KDM2B: variants seen among roughly 807,000 people sequenced by gnomAD.
KDM2B encodes lysine demethylase 2B, also known as lysine-specific demethylase 2B.
A neutral mutation model predicts 150.0 loss-of-function variants in KDM2B; 26 were observed. The ratio of observed to expected loss-of-function variants is 0.17; its 90% confidence interval spans 0.13 to 0.24. The LOEUF (loss-of-function observed/expected upper bound fraction) is 0.24. Among genes scored for constraint, KDM2B ranks in the 10% least tolerant of loss-of-function variants. KDM2B has a pLI of 1.00. For synonymous variants in KDM2B, 734 were observed against 729.5 expected (o/e 1.01, Z -0.10); for missense variants, 1,265 against 1,816.9 (o/e 0.70, Z 5.52).
downstream of KDM2B, among the ~76,000 whole-genome samples, chr12:121,427,515 C>A (rs1555284408): frequency 6.6e-6 from 1 of 152,184 alleles, no homozygotes; most frequent in Non-Finnish European, 1.5e-5. Context: ...GCACTCCAGC[C>A]TGGACAAGAG....
At position 121,430,365 on chromosome 12, in the gene KDM2B, C is replaced by T. The variant is rs1457473403; in HGVS notation, c.3934G>A (p.Glu1312Lys). 6.2e-7 allele frequency: 1 copy of T among 1,614,166 alleles called. No individual in the cohort carries two copies. Among genetic ancestry groups the T allele is most frequent in the South Asian group, 1.1e-5 (1 of 91,082 alleles). The change falls in exon 23 of 23, where the codon GAG (glutamate) becomes AAG (lysine). Residue 1312 changes from glutamate to lysine, a missense_variant. Around this residue, in one of 11 missense-constraint regions of KDM2B, gnomAD observed 251 missense variants for 397.8 expected, o/e 0.63. Transcript: ENST00000377071. This position sits in a 1 kb window ranked among gnomAD's most constrained non-coding sequence, Gnocchi z 4.4. Reference protein sequence around the residue: ...YCKQVTKEGCEQFIAEMSVSV... With the variant: ...YCKQVTKEGCKQFIAEMSVSV... ...ACAGACATCTCGGCTATGAACTGCT[C>T]ACAGCCTTCCTTGGTGACTTGCTTG...
chr12:121,579,989 G>GAAAAAAA, intron 1 of KDM2B: 13 of 1,208,330 alleles, frequency 1.1e-5, no homozygotes, highest in Non-Finnish European at 1.4e-5. Flanking sequence ...TACAGATTTG[G>GAAAAAAA]AAAAAAAAAA....
chr12:121,417,662 T>C, the KDM2B span: 1 of 1,614,212 alleles, frequency 6.2e-7, no homozygotes, highest in South Asian at 1.1e-5. The surrounding 1 kb of genome is among the most constrained non-coding windows in gnomAD (Gnocchi z 5.0). Flanking sequence ...AGTATCTCAT[T>C]CTGAGAAATA....
chr12:121,412,052 ATTAACT>A, the KDM2B span, among the ~76,000 whole-genome samples: 54 of 152,158 alleles, frequency 3.5e-4, no homozygotes, highest in South Asian at 3.1e-3. Context: ...TTAAAAGAAC[ATTAACT>A]TTATTATTAT....
rs1417732251 is a variant in KDM2B, at chr12:121,537,117, TCCTGGCCGCCAAG to T, written c.684-2540_684-2528del. On this transcript the variant is annotated intron_variant, in intron 6 of 22. Coordinates refer to ENST00000377071, the MANE Select transcript of KDM2B (RefSeq NM_032590.5). The surrounding 1 kb of genome is among the most constrained non-coding windows in gnomAD (Gnocchi z 8.7). ...GCCCCTCCTCCCGGTGTCCCTCATTTCCTGGCCGCCAAGCCTGGCCGCCCCTCCCACCCCGCGA... is the reference window on the plus strand; with the variant it reads ...GCCCCTCCTCCCGGTGTCCCTCATTTCCTGGCCGCCCCTCCCACCCCGCGA... Among the ~76,000 whole-genome samples, 2 of 151,996 alleles carry T rather than the reference TCCTGGCCGCCAAG, an allele frequency of 1.3e-5. No individual in the cohort carries two copies. The highest frequency in any genetic ancestry group is 2.9e-5 in the Non-Finnish European group (2 of 67,974).
At chr12:121,471,816 G>GA (rs1228935376) in intron 12 of KDM2B, among the ~76,000 whole-genome samples, 1 of 152,094 alleles carries the variant, frequency 6.6e-6, no homozygotes, top group Non-Finnish European at 1.5e-5. Context: ...TACCCTCCTG[G>GA]ACCAATGGGC....
Position 121,430,584 on chromosome 12 carries a change from C to G in KDM2B, c.3830-115G>C. ...GGTCAGAGCTCTACATATTCCAGTCCCTGCTGTGCTGCACTAAATAAAATG... is the reference window on the plus strand; with the variant it reads ...GGTCAGAGCTCTACATATTCCAGTCGCTGCTGTGCTGCACTAAATAAAATG... On this transcript the variant is annotated intron_variant, in intron 22 of 22. Coordinates refer to ENST00000377071, the MANE Select transcript of KDM2B (RefSeq NM_032590.5). The surrounding 1 kb of genome is among the most constrained non-coding windows in gnomAD (Gnocchi z 4.4). The G allele has an allele frequency of 1.4e-6, 1 of 720,264 alleles. No homozygotes were observed. Among genetic ancestry groups the G allele is most frequent in the Non-Finnish European group, 2.5e-6 (1 of 404,440 alleles). The allele number at this position is 720,264 out of a possible 1,614,324, so 44.6% of individuals were successfully genotyped here. A position where few individuals can be genotyped will look rare whatever the true frequency, so the allele number is the denominator to read the frequency against.
chr12:121,423,554 C>T, the KDM2B span: 2 of 1,613,778 alleles, frequency 1.2e-6, no homozygotes, highest in Non-Finnish European at 1.7e-6. This position sits in a 1 kb window ranked among gnomAD's most constrained non-coding sequence, Gnocchi z 4.3. Context: ...GTGGTGCGAG[C>T]CGTGCACGTG....
chr12:121,518,370 C>G lies in KDM2B; in HGVS notation c.1047+2615G>C, dbSNP rs551434508. 3.3e-5 allele frequency among the ~76,000 whole-genome samples: 5 copies of G among 152,190 alleles called. No homozygotes were observed. Among genetic ancestry groups the G allele is most frequent in the Non-Finnish European group, 5.9e-5 (4 of 68,008 alleles). ...GGCATAAACAATTGGGCCTCGTAGC[C>G]AAGTCCCTCTCTCAAGACCAGAAAT... is the stretch of plus-strand genomic sequence containing the variant. On this transcript the variant is annotated intron_variant, in intron 9 of 22. Coordinates refer to ENST00000377071, the MANE Select transcript of KDM2B (RefSeq NM_032590.5). The surrounding 1 kb of genome is among the most constrained non-coding windows in gnomAD (Gnocchi z 4.4).
chr12:121,552,104 C>G (rs151227103), intron 4 of KDM2B, among the ~76,000 whole-genome samples: 1 of 152,296 alleles, frequency 6.6e-6, no homozygotes, highest in African/African-American at 2.4e-5. Flanking sequence ...CCAATTACAA[C>G]CATTACCATT....
At chr12:121,536,030 C>T in intron 6 of KDM2B, 1 of 985,382 alleles carries the variant, frequency 1.0e-6, no homozygotes, top group Non-Finnish European at 1.2e-6. Flanking sequence ...CTCTTTTCCC[C>T]GCTGCACTTT....
At chr12:121,482,609 C>G (rs1355903205) in intron 12 of KDM2B, among the ~76,000 whole-genome samples, 5 of 152,128 alleles carry the variant, frequency 3.3e-5, no homozygotes, top group African/African-American at 4.8e-5. Context: ...CTTCTTAGTA[C>G]TCTTCTAATG....
At chr12:121,444,844 C>A (rs2138269525) in intron 14 of KDM2B, 3 of 488,396 alleles carry the variant, frequency 6.1e-6, no homozygotes, top group Non-Finnish European at 1.1e-5. Flanking sequence ...GGGGTATGAC[C>A]CAGGTAAAGC....
At chr12:121,433,958 C>T (rs1427379090) in intron 22 of KDM2B, among the ~76,000 whole-genome samples, 1 of 152,064 alleles carries the variant, frequency 6.6e-6, no homozygotes, top group Non-Finnish European at 1.5e-5. Context: ...GTGGGTGGAT[C>T]ACTTGAGCCT....
At chr12:121,444,396 G>T in intron 15 of KDM2B, 54 bp downstream of exon 15, 7 of 1,606,522 alleles carry the variant, frequency 4.4e-6, no homozygotes, top group Non-Finnish European at 6.0e-6. Context: ...TCCCGGCCAG[G>T]CCCAGGCCCG....
intron 8 of KDM2B, among the ~76,000 whole-genome samples, chr12:121,529,986 T>C (rs1887505004): frequency 6.6e-6 from 1 of 150,602 alleles, no homozygotes; most frequent in African/African-American, 2.4e-5. Context: ...CCCAGCACTT[T>C]GGGAGGCCAA....
At chr12:121,527,993 G>A (rs1337764370) in intron 8 of KDM2B, among the ~76,000 whole-genome samples, 2 of 152,128 alleles carry the variant, frequency 1.3e-5, no homozygotes, top group African/African-American at 2.4e-5. Flanking sequence ...CCTATTCCCC[G>A]GGGGTGACTT....
At position 121,443,695 on chromosome 12, in the gene KDM2B, A is replaced by G; in HGVS notation, c.2550T>C (p.Thr850=). 1 of 1,610,174 alleles carries G rather than the reference A, an allele frequency of 6.2e-7. No homozygotes were observed. The highest frequency in any genetic ancestry group is 1.1e-5 in the South Asian group (1 of 91,018). Residue 850 remains threonine (T), a synonymous_variant, in exon 17 of 23, where the codon ACT becomes ACC. Coordinates refer to ENST00000377071, the MANE Select transcript of KDM2B (RefSeq NM_032590.5). ...GTGGGAGCACCTGCTGCTGGAAGTA[A>G]GTGAGACTGGATCTCCACCAGGGGC... ...SLSPWWRSSL[T]YFQQQLKPGK...
chr12:121,538,413 G>A (rs1021919914), intron 6 of KDM2B, among the ~76,000 whole-genome samples: 2 of 152,162 alleles, frequency 1.3e-5, no homozygotes, highest in African/African-American at 4.8e-5. Flanking sequence ...GAAGGGGGAA[G>A]CCGCTCTGAC....
Sources: allele counts gnomAD v4.1 joint callset (sites outside exome capture counted in the v4.1 genomes callset), GRCh38; gene constraint gnomAD v4.1.1; regional missense constraint gnomAD v4.1.1; non-coding constraint Gnocchi (gnomAD v3.1); transcripts MANE v1.5; gene names NCBI Gene and HGNC (gene_info 2026-07-23, HGNC 2026-07-21).